The following TBC1D5 variants were observed in gnomAD, a reference collection of about 807,000 sequenced individuals.
TBC1D5 encodes TBC1 domain family member 5.
TBC1D5 carries 75 observed loss-of-function variants against 100.3 expected under a neutral mutation model. That is an observed-to-expected ratio of 0.75 (90% CI 0.62 to 0.91). The LOEUF is 0.91. Among genes scored for constraint, TBC1D5 ranks in the 40% least tolerant of loss-of-function variants. The probability of loss-of-function intolerance (pLI) is 0.00; values close to 1 mark genes in which losing one functional copy is unlikely to be tolerated. For synonymous variants in TBC1D5, 323 were observed against 325.6 expected (o/e 0.99, Z 0.09); for missense variants, 910 against 942.4 (o/e 0.97, Z 0.45).
intron 13 of TBC1D5, among the ~76,000 whole-genome samples, chr3:17,332,527 C>G (rs550171324): frequency 2.6e-5 from 4 of 152,160 alleles, no homozygotes; most frequent in Admixed American, 2.0e-4. Context: ...TAAAAAGCCA[C>G]AGGCCTATGT....
intron 1 of TBC1D5, among the ~76,000 whole-genome samples, chr3:17,672,209 C>T (rs1246731819): frequency 6.6e-6 from 1 of 151,962 alleles, no homozygotes; most frequent in Non-Finnish European, 1.5e-5. Flanking sequence ...ATATAAAACA[C>T]CTTAAAATTA....
At chr3:17,481,860 C>T (rs1559984580) in intron 3 of TBC1D5, among the ~76,000 whole-genome samples, 1 of 152,228 alleles carries the variant, frequency 6.6e-6, no homozygotes, top group Non-Finnish European at 1.5e-5. Flanking sequence ...CCTGCCTCAG[C>T]CTCCCAAGTA....
At chr3:17,178,168 C>G (rs752062248) in intron 19 of TBC1D5, among the ~76,000 whole-genome samples, 9 of 151,528 alleles carry the variant, frequency 5.9e-5, no homozygotes, top group Non-Finnish European at 1.3e-4. Context: ...TGGGTTCACG[C>G]CATTCTCCTG....
chr3:17,384,045 G>GTGTT, intron 8 of TBC1D5, 30 bp from the exon 9 acceptor site: 5 of 1,539,546 alleles, frequency 3.2e-6, no homozygotes, highest in Non-Finnish European at 4.4e-6. Flanking sequence ...GATTGAAACT[G>GTGTT]ACTAACACAG....
intron 19 of TBC1D5, among the ~76,000 whole-genome samples, chr3:17,183,672 G>A (rs928409295): frequency 2.6e-5 from 4 of 152,180 alleles, no homozygotes; most frequent in African/African-American, 9.7e-5. Flanking sequence ...CCAGCCAGCT[G>A]CTAATAAGAC....
intron 1 of TBC1D5, among the ~76,000 whole-genome samples, chr3:17,736,214 A>G (rs1473722852): frequency 6.6e-6 from 1 of 152,166 alleles, no homozygotes; most frequent in Non-Finnish European, 1.5e-5. Flanking sequence ...TCTCATAATC[A>G]TACCACTGCA....
intron 18 of TBC1D5, among the ~76,000 whole-genome samples, chr3:17,207,572 C>T (rs1376781235): frequency 1.3e-5 from 2 of 152,148 alleles, no homozygotes; most frequent in African/African-American, 4.8e-5. Flanking sequence ...ATCTTGCCCT[C>T]TTTCATTATA....
In TBC1D5 at chr3:17,657,803, T is replaced by C. The variant is rs182961409; in HGVS notation, c.-100-33890A>G. ...CTATCTTATTTCCCTTATGACCAACTACTTGAGTAAAGCCTTTCTGCAACT... is the reference window on the plus strand; with the variant it reads ...CTATCTTATTTCCCTTATGACCAACCACTTGAGTAAAGCCTTTCTGCAACT... On this transcript the variant is annotated intron_variant, in intron 1 of 21. Transcript: ENST00000253692. 5.9e-5 allele frequency among the ~76,000 whole-genome samples: 9 copies of C among 152,328 alleles called. No individual in the cohort carries two copies. The East Asian group carries it at 1.7e-3, about 29-fold the overall frequency.
At chr3:17,324,345 T>G (rs975893590) in intron 13 of TBC1D5, among the ~76,000 whole-genome samples, 6 of 152,154 alleles carry the variant, frequency 3.9e-5, no homozygotes, top group Admixed American at 1.3e-4. Flanking sequence ...AAGGTACCAT[T>G]AAGAAAATGA....
chr3:17,619,148 T>G (rs765014985), intron 2 of TBC1D5, among the ~76,000 whole-genome samples: 1 of 152,098 alleles, frequency 6.6e-6, no homozygotes, highest in Non-Finnish European at 1.5e-5. Flanking sequence ...TCTTAAAACA[T>G]AGAAAAGTAG....
At chr3:17,673,615 T>C (rs1489132727) in intron 1 of TBC1D5, among the ~76,000 whole-genome samples, 6 of 152,048 alleles carry the variant, frequency 3.9e-5, no homozygotes, top group Non-Finnish European at 8.8e-5. Flanking sequence ...GCACCCAGCC[T>C]ATACTTTCTA....
intron 1 of TBC1D5, among the ~76,000 whole-genome samples, chr3:17,704,820 G>A (rs2073799541): frequency 2.2e-5 from 2 of 89,200 alleles, no homozygotes; most frequent in African/African-American, 4.8e-5. Flanking sequence ...CTGGCCGGGC[G>A]GAGGGCTGAC....
At chr3:17,724,746 A>G (rs924944418) in intron 1 of TBC1D5, among the ~76,000 whole-genome samples, 4 of 152,178 alleles carry the variant, frequency 2.6e-5, no homozygotes, top group African/African-American at 7.2e-5. Flanking sequence ...AAAACTAATG[A>G]AAGACATGTC....
intron 13 of TBC1D5, among the ~76,000 whole-genome samples, chr3:17,358,791 G>C (rs1244087178): frequency 6.6e-6 from 1 of 151,954 alleles, no homozygotes; most frequent in Non-Finnish European, 1.5e-5. Flanking sequence ...TTTTAAACTT[G>C]AGATATTTTA....
chr3:17,219,727 C>G (rs1456140241), intron 17 of TBC1D5, among the ~76,000 whole-genome samples: 2 of 152,030 alleles, frequency 1.3e-5, no homozygotes, highest in Non-Finnish European at 2.9e-5. Context: ...GTTTTCAAAG[C>G]TACTGTAGAG....
chr3:17,212,798 T>G (rs2596664), intron 18 of TBC1D5, among the ~76,000 whole-genome samples: 62,127 of 151,984 alleles, frequency 0.41, 13,398 homozygotes, highest in Middle Eastern at 0.5. Context: ...TTTTTGTACA[T>G]CTATCAAATG....
chr3:17,178,066 C>CTTTTT (rs34673889), intron 19 of TBC1D5, among the ~76,000 whole-genome samples: 2 of 130,082 alleles, frequency 1.5e-5, no homozygotes, highest in Non-Finnish European at 3.2e-5. Context: ...AATAGTGCTC[C>CTTTTT]TTTTTTTTTT....
At chr3:17,230,405 T>C (rs1046414903) in intron 17 of TBC1D5, among the ~76,000 whole-genome samples, 8 of 152,132 alleles carry the variant, frequency 5.3e-5, no homozygotes, top group African/African-American at 1.9e-4. Flanking sequence ...CTGGAAGAAA[T>C]CATAAGAAAC....
chr3:17,386,508 G>A (rs2093158578), intron 8 of TBC1D5, among the ~76,000 whole-genome samples: 1 of 152,090 alleles, frequency 6.6e-6, no homozygotes. Flanking sequence ...TTTGCACATC[G>A]TGAACTATAA....
Sources: gnomAD v4.1 joint callset for allele counts (sites outside exome capture counted in the v4.1 genomes callset) on GRCh38, gnomAD v4.1.1 for gene constraint, MANE v1.5 for transcripts, NCBI Gene and HGNC (gene_info 2026-07-23, HGNC 2026-07-21) for gene names.